The following WNK2 variants were observed in gnomAD, a reference collection of about 807,000 sequenced individuals.
The protein encoded by WNK2 is WNK lysine deficient protein kinase 2, also known as serine/threonine-protein kinase WNK2.
WNK2 carries 67 observed loss-of-function variants against 192.1 expected under a neutral mutation model. The ratio of observed to expected loss-of-function variants is 0.35; its 90% CI spans 0.29 to 0.43. The LOEUF (loss-of-function observed/expected upper bound fraction) is 0.43, where lower values mean the gene tolerates loss of function less well. Among genes scored for constraint, WNK2 ranks in the 20% least tolerant of loss-of-function variants. WNK2 has a pLI of 1.00. For missense variants in WNK2, 2,698 were observed against 3,089.7 expected, an observed-to-expected ratio of 0.87 and a Z score of 3.01; for synonymous variants, 1,439 against 1,393.9, an observed-to-expected ratio of 1.03 and a Z score of -0.72.
chr9:93,243,998 A>G (rs1400582432), intron 7 of WNK2, among the ~76,000 whole-genome samples: 2 of 152,244 alleles, frequency 1.3e-5, no homozygotes, highest in Non-Finnish European at 2.9e-5. Context: ...TTGGGAGGCC[A>G]AGGCAGGAGG....
Position 93,297,919 on chromosome 9 carries a change from C to T in WNK2, c.5775C>T (p.Arg1925=), listed in dbSNP as rs1850889550. Reference sequence around the variant, plus strand: ...AGGAGATCGAAGCTCTGTACCGCCGCCTGGGCAAGCCACTGCCCCCCAACG... The same window carrying T: ...AGGAGATCGAAGCTCTGTACCGCCGTCTGGGCAAGCCACTGCCCCCCAACG... ...QKQEIEALYR[R]LGKPLPPNVG... is the part of the protein sequence containing the mutation. The change falls in exon 24 of 30, where the codon CGC becomes CGT. Residue 1925 remains arginine (R), a synonymous_variant. Transcript: ENST00000427277. 6.3e-7 allele frequency: 1 copy of T among 1,588,992 alleles called. No individual in the cohort carries two copies. The highest frequency in any genetic ancestry group is 1.3e-5 in the African/African-American group (1 of 74,292).
At chr9:93,299,554 C>T (rs767003767) in intron 25 of WNK2, among the ~76,000 whole-genome samples, 10 of 152,116 alleles carry the variant, frequency 6.6e-5, no homozygotes, top group Non-Finnish European at 1.2e-4. Flanking sequence ...ACCTGGCATC[C>T]GGCTGTGTGC....
intron 2 of WNK2, among the ~76,000 whole-genome samples, chr9:93,205,178 A>G (rs1025780620): frequency 2.6e-5 from 4 of 152,164 alleles, no homozygotes; most frequent in Non-Finnish European, 5.9e-5. Flanking sequence ...TTTGTAGACC[A>G]ATGTTACCGG....
In WNK2 at chr9:93,238,250, C is replaced by G; in HGVS notation, c.1251C>G (p.Ser417Arg). The stretch of plus-strand genomic sequence containing the variant: ...CCTGTCAGGGTATCAAGCCGGCCAG[C>G]TTTGAGAAAGTGCACGATCCTGAAA... The part of the protein sequence containing the change: ...RKVTCGIKPA[S>R]FEKVHDPEIK... Residue 417 changes from serine (S) to arginine (R), a missense_variant, in exon 6 of 30, where the codon AGC (serine) becomes AGG (arginine). Transcript: ENST00000427277. 1 of 1,614,006 alleles carries G rather than the reference C, an allele frequency of 6.2e-7. No individual in the cohort carries two copies. Among genetic ancestry groups the G allele is most frequent in the Non-Finnish European group, 8.5e-7 (1 of 1,179,902 alleles).
chr9:93,284,909 G>A (rs577355304), intron 19 of WNK2, among the ~76,000 whole-genome samples: 4 of 152,296 alleles, frequency 2.6e-5, no homozygotes, highest in East Asian at 1.9e-4. Flanking sequence ...ACCAACTTGA[G>A]GTTGGTGTTT....
chr9:93,211,927 TACTCATTC>T (rs1834860967), intron 2 of WNK2, among the ~76,000 whole-genome samples: 1 of 148,946 alleles, frequency 6.7e-6, no homozygotes, highest in African/African-American at 2.5e-5. Context: ...CTCACTCATC[TACTCATTC>T]ACTCACTCAT....
In WNK2 at chr9:93,292,773, C is replaced by T. The variant is rs776962381; in HGVS notation, c.5308C>T (p.Pro1770Ser). Residue 1770 changes from proline to serine, a missense_variant, in exon 23 of 30, where the codon CCA becomes TCA. Coordinates refer to ENST00000427277, the MANE Select transcript of WNK2 (RefSeq NM_006648.4). ...ASPHSLRYSA[P>S]PDVYLDEAPS... The stretch of plus-strand genomic sequence containing the variant: ...CCCCCACAGCCTGAGATACTCTGCC[C>T]CACCCGACGTCTACCTGGACGAGGC... 1 of 1,559,886 alleles carries T rather than the reference C, an allele frequency of 6.4e-7. No homozygotes were observed. The highest frequency in any genetic ancestry group is 8.7e-7 in the Non-Finnish European group (1 of 1,153,460).
At position 93,267,899 on chromosome 9, in the gene WNK2, G is replaced by A. The variant is rs558079515; in HGVS notation, c.3850G>A (p.Gly1284Ser). Residue 1284 changes from glycine to serine, a missense_variant, in exon 17 of 30, where the codon GGC (glycine) becomes AGC (serine). This residue lies in a region of WNK2 where 1,098 missense variants were observed against 1,101.0 expected (regional missense o/e 1.00). Coordinates refer to ENST00000427277, the MANE Select transcript of WNK2 (RefSeq NM_006648.4). ...CAGCCCGCCACACCTCAGCACCTGC[G>A]GCCTGGGCACCGGGGAGGTGAGGTT... is the stretch of plus-strand genomic sequence containing the variant. Reference protein sequence around the residue: ...GTSPPHLSTCGLGTGEESRQS... With the variant: ...GTSPPHLSTCSLGTGEESRQS... 1.4e-5 allele frequency: 22 copies of A among 1,612,496 alleles called. No individual in the cohort carries two copies. The highest frequency in any genetic ancestry group is 1.0e-4 in the Admixed American group (6 of 59,868).
intron 2 of WNK2, among the ~76,000 whole-genome samples, chr9:93,223,439 G>A (rs1588008449): frequency 6.6e-6 from 1 of 152,240 alleles, no homozygotes; most frequent in Non-Finnish European, 1.5e-5. Flanking sequence ...TTCTTCGGGG[G>A]CAGGGGTGCC....
intron 19 of WNK2, among the ~76,000 whole-genome samples, chr9:93,282,026 A>C (rs1331418997): frequency 6.6e-6 from 1 of 152,232 alleles, no homozygotes; most frequent in Non-Finnish European, 1.5e-5. Context: ...GCCAGAATGC[A>C]GGTAGGAACA....
Position 93,231,097 on chromosome 9 carries a change from A to G in WNK2, c.1064A>G (p.Lys355Arg), listed in dbSNP as rs1330819673. Reference sequence around the variant, plus strand: ...ACTCTGAAAAGAGCGTCATTTGCCAAAAGTGTGATAGGTAAACCTGCTTCT... The same window carrying G: ...ACTCTGAAAAGAGCGTCATTTGCCAGAAGTGTGATAGGTAAACCTGCTTCT... ...LATLKRASFA[K>R]SVIGTPEFMA... is the part of the protein sequence containing the mutation. Residue 355 changes from lysine (K) to arginine (R), a missense_variant, in exon 4 of 30, where the codon AAA becomes AGA. Transcript: ENST00000427277. The G allele has an allele frequency of 1.9e-6, 3 of 1,613,968 alleles. No homozygotes were observed. The highest frequency in any genetic ancestry group is 2.2e-5 in the South Asian group (2 of 91,086).
intron 19 of WNK2, among the ~76,000 whole-genome samples, chr9:93,282,586 G>A (rs1033794471): frequency 6.6e-6 from 1 of 152,046 alleles, no homozygotes; most frequent in Admixed American, 6.6e-5. Context: ...TTATATCAAT[G>A]TAGATTTTAA....
intron 26 of WNK2, among the ~76,000 whole-genome samples, chr9:93,303,181 A>C (rs1851907471): frequency 6.6e-6 from 1 of 152,096 alleles, no homozygotes. Flanking sequence ...TGGCCTCCCA[A>C]AGTGCTGGGA....
At position 93,292,892 on chromosome 9, in the gene WNK2, T is replaced by C; in HGVS notation, c.5427T>C (p.Ser1809=). 6.6e-7 allele frequency: 1 copy of C among 1,517,970 alleles called. No individual in the cohort carries two copies. Among genetic ancestry groups the C allele is most frequent in the Non-Finnish European group, 8.8e-7 (1 of 1,132,586 alleles). 94.0% of individuals were successfully genotyped at this position (1,517,970 alleles called of 1,614,324 possible). Residue 1809 remains serine, a synonymous_variant, in exon 23 of 30, where the codon TCT becomes TCC. Coordinates refer to ENST00000427277, the MANE Select transcript of WNK2 (RefSeq NM_006648.4). ...TGGGCGAGCCCGTGTCCAGCGACTC[T>C]GGGGACGAGGGCCCTCGGGCGAGAC... ...VGVGEPVSSD[S]GDEGPRARPP... is the part of the protein sequence containing the mutation.
At position 93,202,206 on chromosome 9, in the gene WNK2, C is replaced by T. The variant is rs569383938; in HGVS notation, c.681+16596C>T. Among the ~76,000 whole-genome samples the T allele has an allele frequency of 3.9e-5, 6 of 152,298 alleles. No homozygotes were observed. The East Asian group carries it at 7.7e-4, about 20-fold the overall frequency. ...ACTGGGCCCTAGTGGGGTGGCCGCT[C>T]AGCACAGTGCAGGCCACTCCTACCC... On this transcript the variant is annotated intron_variant, in intron 2 of 29. Coordinates refer to ENST00000427277, the MANE Select transcript of WNK2 (RefSeq NM_006648.4).
chr9:93,317,958 G>C (rs762704991), intron 29 of WNK2: 2 of 1,612,386 alleles, frequency 1.2e-6, no homozygotes, highest in Non-Finnish European at 1.7e-6. Context: ...ACAGCACTCA[G>C]CCGCGAGGGG....
intron 28 of WNK2, among the ~76,000 whole-genome samples, chr9:93,314,218 G>C (rs189823467): frequency 6.6e-6 from 1 of 152,324 alleles, no homozygotes; most frequent in East Asian, 1.9e-4. Context: ...GGAGGCAGAG[G>C]TTGCAGTGAG....
intron 2 of WNK2, among the ~76,000 whole-genome samples, chr9:93,224,098 C>G (rs926525114): frequency 6.6e-6 from 1 of 152,154 alleles, no homozygotes; most frequent in Non-Finnish European, 1.5e-5. Flanking sequence ...ATTTACGGCC[C>G]CACGGAACTG....
In WNK2 at chr9:93,212,350, G is replaced by A. The variant is rs572813519; in HGVS notation, c.682-17346G>A. Among the ~76,000 whole-genome samples the A allele has an allele frequency of 4.6e-5, 7 of 152,350 alleles. No homozygotes were observed. The South Asian group carries it at 1.5e-3, about 32-fold the overall frequency. ...GCTTGGTGTGGCTTGACTGCCTGAT[G>A]GAGTCACAGTGTGTGGCCCCCCAGC... is the stretch of plus-strand genomic sequence containing the variant. On this transcript the variant is annotated intron_variant, in intron 2 of 29. Transcript: ENST00000427277.
Sources: gnomAD v4.1 joint callset for allele counts (sites outside exome capture counted in the v4.1 genomes callset) on GRCh38, gnomAD v4.1.1 for gene constraint, gnomAD v4.1.1 regional missense constraint, MANE v1.5 for transcripts, NCBI Gene and HGNC (gene_info 2026-07-23, HGNC 2026-07-21) for gene names.